PSMD10: variants seen among roughly 807,000 people sequenced by gnomAD.
The protein encoded by PSMD10 is 26S proteasome non-ATPase regulatory subunit 10.
In PSMD10, 2 loss-of-function variants were observed where a neutral mutation model predicts 13.2. The observed-to-expected ratio is 0.15, with a 90% CI of 0.06 to 0.48. PSMD10 has a LOEUF of 0.48. Ranked by LOEUF, PSMD10 falls within the 20% of genes least tolerant of loss-of-function variation. The pLI is 0.97. For synonymous variants in PSMD10, 66 were observed against 64.4 expected (o/e 1.03, Z -0.12); for missense variants, 120 against 167.4 (o/e 0.72, Z 1.56).
At chrX:108,090,627 G>C (rs1195316588) in intron 1 of PSMD10, among the ~76,000 whole-genome samples, 1 of 111,936 alleles carries the variant, frequency 8.9e-6, no homozygotes, top group Non-Finnish European at 1.9e-5. Flanking sequence ...AGTCTCACTA[G>C]TGCTTACGAC....
At position 108,084,918 on chromosome X, in the gene PSMD10, T is replaced by C; in HGVS notation, c.*56A>G. The C allele has an allele frequency of 2.7e-6, 3 of 1,092,808 alleles. No individual in the cohort carries two copies. The highest frequency in any genetic ancestry group is 3.6e-6 in the Non-Finnish European group (3 of 827,421). The allele number at this position is 1,092,808 out of a possible 1,213,427, so 90.1% of individuals were successfully genotyped here. The stretch of plus-strand genomic sequence containing the variant: ...TGTCTTGTGCACAAATACATTAGTT[T>C]GTAGGACACTGGGGACAACAACACA... On this transcript the variant is annotated 3_prime_UTR_variant, in exon 5 of 5. Transcript: ENST00000217958.
chrX:108,087,947 C>A lies in PSMD10; in HGVS notation c.360+6G>T. The A allele has an allele frequency of 8.3e-7, 1 of 1,211,753 alleles. No homozygotes were observed. Among genetic ancestry groups the A allele is most frequent in the Non-Finnish European group, 1.1e-6 (1 of 895,419 alleles). On this transcript the variant is annotated splice_donor_region_variant and intron_variant, in intron 3 of 4. Coordinates refer to ENST00000217958, the MANE Select transcript of PSMD10 (RefSeq NM_002814.4). ...TCAACAGAAGTAGCCTAGGATGGAA[C>A]CATACCTCATGCCTGTTTTTCGAAG...
intron 4 of PSMD10, chrX:108,087,228 C>G (rs2031507559): frequency 8.9e-6 from 1 of 112,079 alleles, no homozygotes; most frequent in Non-Finnish European, 1.9e-5. Flanking sequence ...ATGCCTGGCT[C>G]AATGTACCAT....
intron 1 of PSMD10, among the ~76,000 whole-genome samples, chrX:108,091,174 A>C (rs902414519): frequency 8.8e-6 from 1 of 113,516 alleles, no homozygotes; most frequent in Non-Finnish European, 1.9e-5. Context: ...TTCTAGAACT[A>C]TCCAAAAATC....
intron 1 of PSMD10, among the ~76,000 whole-genome samples, chrX:108,089,279 G>A (rs1304198831): frequency 9.0e-6 from 1 of 111,373 alleles, no homozygotes; most frequent in Non-Finnish European, 1.9e-5. Flanking sequence ...AAACTCCTCA[G>A]GGTAAGCAAC....
chrX:108,085,033 G>A lies in PSMD10; in HGVS notation c.622C>T (p.Pro208Ser). The change falls in exon 5 of 5, where the codon CCC (proline) becomes TCC (serine). Residue 208 changes from proline (P) to serine (S), a missense_variant. Physicochemically the swap from Pro to Ser is moderately conservative, Grantham distance 74. This residue lies in a region of PSMD10 where 20 missense variants were observed against 16.4 expected (regional missense o/e 1.22). Transcript: ENST00000217958. ...IYIENKEEKT[P>S]LQVAKGGLGL... ...AGGCCACCTTTGGCCACTTGCAGGG[G>A]TGTCTTTTCTTCTTTATTCTCAATG... 1 of 1,209,762 alleles carries A rather than the reference G, an allele frequency of 8.3e-7. No individual in the cohort carries two copies. Among genetic ancestry groups the A allele is most frequent in the Non-Finnish European group, 1.1e-6 (1 of 894,528 alleles).
rs773481043 is a variant in PSMD10 at position 108,091,527 on chromosome X, G to A, written c.-7C>T. 2.5e-6 allele frequency: 3 copies of A among 1,204,819 alleles called. No homozygotes were observed. Among genetic ancestry groups the A allele is most frequent in the Admixed American group, 2.2e-5 (1 of 45,986 alleles). On this transcript the variant is annotated 5_prime_UTR_variant, in exon 1 of 5. Coordinates refer to ENST00000217958, the MANE Select transcript of PSMD10 (RefSeq NM_002814.4). ...TAGACACACACCCCTCCATTTCGCTGTCCCAGCAACTACTTGTCGCGCGAG... is the reference window on the plus strand; with the variant it reads ...TAGACACACACCCCTCCATTTCGCTATCCCAGCAACTACTTGTCGCGCGAG...
chrX:108,090,973 G>A (rs775909227), intron 1 of PSMD10, among the ~76,000 whole-genome samples: 1 of 113,041 alleles, frequency 8.8e-6, no homozygotes, highest in South Asian at 3.6e-4. Context: ...AATCGGACAT[G>A]TTTTTGTGCT....
intron 4 of PSMD10, among the ~76,000 whole-genome samples, chrX:108,085,411 T>C (rs2031484562): frequency 8.9e-6 from 1 of 112,500 alleles, no homozygotes; most frequent in Admixed American, 9.4e-5. Context: ...TTTACAGAGA[T>C]AAGTAGTTGT....
In PSMD10 at chrX:108,091,312, T is replaced by C. The variant is rs2031609187; in HGVS notation, c.114+95A>G. ...GGCGGCGGGGGCGGGGTTCTGCTTC[T>C]CTCAGAAACGGGGCCTCCGCTAGGG... On this transcript the variant is annotated intron_variant, in intron 1 of 4. Transcript: ENST00000217958. The C allele has an allele frequency of 3.6e-6, 3 of 840,166 alleles. No individual in the cohort carries two copies. The Admixed American group carries it at 6.9e-5, about 19-fold the overall frequency. 69.2% of individuals were successfully genotyped at this position (840,166 alleles called of 1,213,427 possible).
chrX:108,088,261 A>G (rs2147942179), intron 2 of PSMD10, among the ~76,000 whole-genome samples, 162 bp from the exon 3 acceptor site: 1 of 112,216 alleles, frequency 8.9e-6, no homozygotes, highest in South Asian at 3.7e-4. Flanking sequence ...TAATATAACC[A>G]TATCATTAGA....
At chrX:108,090,403 G>A (rs1490041023) in intron 1 of PSMD10, among the ~76,000 whole-genome samples, 1 of 111,936 alleles carries the variant, frequency 8.9e-6, no homozygotes, top group East Asian at 2.8e-4. Context: ...CTGAAGAATG[G>A]TTAAATTTCC....
Position 108,091,492 on chromosome X carries a change from A to G in PSMD10, c.29T>C (p.Val10Ala). ...CTTCCCGCTGTAGGCCAGGTTGCAG[A>G]CCATTAGGTTAGACACACACCCCTC... MEGCVSNLMVCNLAYSGKLE... is the reference protein window; with the variant it reads MEGCVSNLMACNLAYSGKLE... Residue 10 changes from valine to alanine, a missense_variant, in exon 1 of 5, where the codon GTC becomes GCC. Coordinates refer to ENST00000217958, the MANE Select transcript of PSMD10 (RefSeq NM_002814.4). 1 of 1,211,938 alleles carries G rather than the reference A, an allele frequency of 8.3e-7. No individual in the cohort carries two copies.
At chrX:108,088,411 T>G (rs2031524780) in intron 2 of PSMD10, 2 of 309,351 alleles carry the variant, frequency 6.5e-6, no homozygotes, top group African/African-American at 5.3e-5. Context: ...ATCTGTATGT[T>G]TATTTTTGTT....
At chrX:108,089,876 T>C (rs1479930080) in intron 1 of PSMD10, among the ~76,000 whole-genome samples, 1 of 111,916 alleles carries the variant, frequency 8.9e-6, no homozygotes, top group Non-Finnish European at 1.9e-5. Flanking sequence ...AAAAAAGCTA[T>C]AGTAGTCATT....
Position 108,088,848 on chromosome X carries a change from G to A in PSMD10, c.117C>T (p.Asp39=). The change falls in exon 2 of 5, where the codon GAC becomes GAT. Residue 39 remains aspartate, a splice_region_variant and synonymous_variant. Transcript: ENST00000217958. ...DKSLATRTDQ[D]SRTALHWACS... is the part of the protein sequence containing the mutation. ...ATGCCCAGTGCAATGCAGTTCTGCT[G>A]TCCTACAGAGAAGCAGTAATAGAAA... 2 of 1,145,749 alleles carry A rather than the reference G, an allele frequency of 1.7e-6. No homozygotes were observed. The highest frequency in any genetic ancestry group is 2.3e-6 in the Non-Finnish European group (2 of 853,455). The allele number at this position is 1,145,749 out of a possible 1,213,427, so 94.4% of individuals were successfully genotyped here. A position where few individuals can be genotyped will look rare whatever the true frequency, so the allele number is the denominator to read the frequency against.
intron 4 of PSMD10, among the ~76,000 whole-genome samples, chrX:108,086,195 GA>G (rs2031495407): frequency 8.9e-6 from 1 of 112,303 alleles, no homozygotes; most frequent in Non-Finnish European, 1.9e-5. Flanking sequence ...CAACACAGAA[GA>G]AAAGTGGCCA....
At position 108,085,004 on chromosome X, in the gene PSMD10, A is replaced by G. The variant is rs769269546; in HGVS notation, c.651T>C (p.Gly217=). 3.3e-6 allele frequency: 4 copies of G among 1,207,739 alleles called. No homozygotes were observed. The highest frequency in any genetic ancestry group is 4.5e-6 in the Non-Finnish European group (4 of 893,668). Residue 217 remains glycine (G), a synonymous_variant, in exon 5 of 5, where the codon GGT becomes GGC. Coordinates refer to ENST00000217958, the MANE Select transcript of PSMD10 (RefSeq NM_002814.4). ...TPLQVAKGGL[G]LILKRMVEG ...CTTCCACCATTCTCTTGAGTATTAA[A>G]CCCAGGCCACCTTTGGCCACTTGCA...
At position 108,091,458 on chromosome X, in the gene PSMD10, C is replaced by T. The variant is rs1411062795; in HGVS notation, c.63G>A (p.Glu21=). ...TATCGGCCAGAATACTCTCCTTCAACTCTTCCAGCTTCCCGCTGTAGGCCA... is the reference window on the plus strand; with the variant it reads ...TATCGGCCAGAATACTCTCCTTCAATTCTTCCAGCTTCCCGCTGTAGGCCA... ...CNLAYSGKLE[E]LKESILADKS... is the part of the protein sequence containing the mutation. Residue 21 remains glutamate, a synonymous_variant, in exon 1 of 5, where the codon GAG becomes GAA. Transcript: ENST00000217958. 8 of 1,211,468 alleles carry T rather than the reference C, an allele frequency of 6.6e-6. No homozygotes were observed. Among genetic ancestry groups the T allele is most frequent in the Non-Finnish European group, 8.9e-6 (8 of 895,497 alleles).
Sources: allele counts gnomAD v4.1 joint callset (sites outside exome capture counted in the v4.1 genomes callset), GRCh38; gene constraint gnomAD v4.1.1; regional missense constraint gnomAD v4.1.1; transcripts MANE v1.5; gene names NCBI Gene and HGNC (gene_info 2026-07-23, HGNC 2026-07-21).